RRP36: variants seen among roughly 807,000 people sequenced by gnomAD.
RRP36 encodes the protein ribosomal RNA processing 36.
A neutral mutation model predicts 39.8 loss-of-function variants in RRP36; 44 were observed. That is an observed-to-expected ratio of 1.10 (90% CI 0.87 to 1.42). The LOEUF (loss-of-function observed/expected upper bound fraction) is 1.42, where lower values mean the gene tolerates loss of function less well. RRP36 is among the 40% of genes most tolerant of loss of function. RRP36 has a pLI of 0.00. For synonymous variants in RRP36, 124 were observed against 123.1 expected (o/e 1.01, Z -0.05); for missense variants, 316 against 322.4 (o/e 0.98, Z 0.15).
At position 43,025,775 on chromosome 6, in the gene RRP36, C is replaced by CA. The variant is rs1473193233; in HGVS notation, c.346-253dup. The stretch of plus-strand genomic sequence containing the variant: ...TGAAACCCCGTCTCTACTAAAAATA[C>CA]AAAAAAAAATAGCCGGGCGTGGTGG... On this transcript the variant is annotated intron_variant, in intron 3 of 6. Coordinates refer to ENST00000244496, the MANE Select transcript of RRP36 (RefSeq NM_033112.4). Among the ~76,000 whole-genome samples the CA allele has an allele frequency of 1.3e-3, 197 of 149,396 alleles. 2 individuals carry two copies. The highest frequency in any genetic ancestry group is 8.5e-4 in the South Asian group (4 of 4,722).
At chr6:43,026,316 A>G (rs962918106) in intron 4 of RRP36, among the ~76,000 whole-genome samples, 175 bp downstream of exon 4, 1 of 152,170 alleles carries the variant, frequency 6.6e-6, no homozygotes, top group African/African-American at 2.4e-5. Context: ...GATTATTGGC[A>G]TGTTACTTAA....
chr6:43,026,652 A>G (rs1276605111), intron 4 of RRP36, among the ~76,000 whole-genome samples: 5 of 150,782 alleles, frequency 3.3e-5, no homozygotes, highest in Non-Finnish European at 7.4e-5. Flanking sequence ...CAACCTGGGC[A>G]GCAGGGCAAG....
chr6:43,027,564 T>G, intron 6 of RRP36, 87 bp downstream of exon 6: 1 of 1,066,420 alleles, frequency 9.4e-7, no homozygotes. Context: ...CCTGATCCCC[T>G]TTAAGGAAGG....
At chr6:43,029,056 C>A in intron 6 of RRP36, 36 bp from the exon 7 acceptor site, 1 of 1,611,890 alleles carries the variant, frequency 6.2e-7, no homozygotes, top group Non-Finnish European at 8.5e-7. Context: ...GGGCTTCCTT[C>A]TTTGTTCACC....
chr6:43,029,160 T>C lies in RRP36; in HGVS notation c.712T>C (p.Phe238Leu), dbSNP rs771772252. 1.9e-6 allele frequency: 3 copies of C among 1,614,236 alleles called. No homozygotes were observed. Among genetic ancestry groups the C allele is most frequent in the Non-Finnish European group, 2.5e-6 (3 of 1,180,042 alleles). ...ELKRSKKLEN[F>L]LSRKRRRNAG... ...GAAACGCAGCAAGAAATTGGAGAAC[T>C]TCTTGAGTCGAAAGAGGCGACGAAA... Residue 238 changes from phenylalanine (F) to leucine (L), a missense_variant, in exon 7 of 7, where the codon TTC becomes CTC. By Grantham distance (22) the Phe-to-Leu change is conservative (BLOSUM62 0). Coordinates refer to ENST00000244496, the MANE Select transcript of RRP36 (RefSeq NM_033112.4).
rs143502470 is a variant in RRP36 at position 43,027,392 on chromosome 6, G to A, written c.558G>A (p.Lys186=). 337 of 1,614,262 alleles carry A rather than the reference G, an allele frequency of 2.1e-4. 3 individuals carry two copies. The African/African-American group carries it at 3.9e-3, about 19-fold the overall frequency. The change falls in exon 6 of 7, where the codon AAG becomes AAA. Residue 186 remains lysine, a synonymous_variant. Transcript: ENST00000244496. ...AAGAAATGGCACAGCAGGAACGAAA[G>A]CAACAGCAGGAGCTGCACCTGGCCC... is the stretch of plus-strand genomic sequence containing the variant. ...EQQEMAQQER[K]QQQELHLALK...
chr6:43,021,931 G>A, intron 1 of RRP36, 147 bp downstream of exon 1: 1 of 461,272 alleles, frequency 2.2e-6, no homozygotes. Context: ...GTGGAAAGTG[G>A]GGGGTGAGAG....
intron 1 of RRP36, among the ~76,000 whole-genome samples, chr6:43,024,739 A>G (rs1358301046): frequency 2.0e-5 from 3 of 152,206 alleles, no homozygotes; most frequent in Non-Finnish European, 4.4e-5. Context: ...AAAGAGAAAA[A>G]GAAGGGACTA....
At position 43,029,329 on chromosome 6, in the gene RRP36, C is replaced by CT; in HGVS notation, c.*102dup. The CT allele has an allele frequency of 7.2e-7, 1 of 1,384,414 alleles. No homozygotes were observed. The highest frequency in any genetic ancestry group is 1.0e-6 in the Non-Finnish European group (1 of 997,880). 85.8% of individuals were successfully genotyped at this position (1,384,414 alleles called of 1,614,324 possible). ...TTCCGTTCAAGGGCAAGGATCACAGCTGCCCTTGAATCTCATTGCCTCAGA... is the reference window on the plus strand; with the variant it reads ...TTCCGTTCAAGGGCAAGGATCACAGCTTGCCCTTGAATCTCATTGCCTCAGA... On this transcript the variant is annotated 3_prime_UTR_variant, in exon 7 of 7. Transcript: ENST00000244496.
rs1466357923 is a variant in RRP36 at position 43,029,295 on chromosome 6, A to ACGGCTGGTTTC, written c.*70_*80dup. Reference sequence around the variant, plus strand: ...TGGATCTGTGAGGACAGATTTGGCCACGGCTGGTTTCCGTTCAAGGGCAAG... The same window carrying ACGGCTGGTTTC: ...TGGATCTGTGAGGACAGATTTGGCCACGGCTGGTTTCCGGCTGGTTTCCGTTCAAGGGCAAG... On this transcript the variant is annotated 3_prime_UTR_variant, in exon 7 of 7. Transcript: ENST00000244496. 6.3e-6 allele frequency: 10 copies of ACGGCTGGTTTC among 1,584,310 alleles called. No individual in the cohort carries two copies. In the East Asian group the frequency reaches 2.3e-4, roughly 36 times the overall value.
At chr6:43,022,463 G>A (rs542004405) in intron 1 of RRP36, among the ~76,000 whole-genome samples, 1 of 151,866 alleles carries the variant, frequency 6.6e-6, no homozygotes, top group Non-Finnish European at 1.5e-5. Context: ...GCCCAGGCTG[G>A]AGTGTAGTTG....
In RRP36 at chr6:43,025,075, C is replaced by G; in HGVS notation, c.221C>G (p.Pro74Arg). 6.2e-7 allele frequency: 1 copy of G among 1,614,178 alleles called. No homozygotes were observed. Among genetic ancestry groups the G allele is most frequent in the Non-Finnish European group, 8.5e-7 (1 of 1,180,044 alleles). Residue 74 changes from proline (P) to arginine (R), a missense_variant, in exon 2 of 7, where the codon CCT becomes CGT. Coordinates refer to ENST00000244496, the MANE Select transcript of RRP36 (RefSeq NM_033112.4). Reference protein sequence around the residue: ...TYKQLVAGNSPKKQASRPPIQ... With the variant: ...TYKQLVAGNSRKKQASRPPIQ... ...AAACAATTGGTAGCTGGAAATAGTC[C>G]TAAGAAACAAGCTTCTAGACCACCT...
rs556213326 is a variant in RRP36, at chr6:43,022,965, C to T, written c.130+1181C>T. On this transcript the variant is annotated intron_variant, in intron 1 of 6. Transcript: ENST00000244496. ...CATGTTACCAGGTGCCAGGGCTGGT[C>T]TCCAGTTCCTGGGCTCAAGTGATCC... Among the ~76,000 whole-genome samples, 4 of 152,168 alleles carry T rather than the reference C, an allele frequency of 2.6e-5. No homozygotes were observed. The South Asian group carries it at 8.3e-4, about 32-fold the overall frequency.
chr6:43,021,695 C>CCCGACGTCCCCG lies in RRP36; in HGVS notation c.42_43insCGACGTCCCCGC (p.Ala14_Gly15insArgArgProArg), dbSNP rs1554133547. ...TACCGCGCCGGGGCCGGGGCCGGGG[C>CCCGACGTCCCCG]CGGGGCCCGACGTCCCCGCGGGGCC... On this transcript the variant is annotated inframe_insertion, in exon 1 of 7. Coordinates refer to ENST00000244496, the MANE Select transcript of RRP36 (RefSeq NM_033112.4). 2 of 1,238,170 alleles carry CCCGACGTCCCCG rather than the reference C, an allele frequency of 1.6e-6. No individual in the cohort carries two copies. The highest frequency in any genetic ancestry group is 3.1e-5 in the African/African-American group (2 of 64,696). 76.7% of individuals were successfully genotyped at this position (1,238,170 alleles called of 1,614,324 possible).
intron 1 of RRP36, 144 bp downstream of exon 1, chr6:43,021,928 G>A: frequency 1.9e-6 from 1 of 538,830 alleles, no homozygotes. Context: ...GCAGTGGAAA[G>A]TGGGGGGTGA....
rs74538867 is a variant in RRP36 at position 43,026,024 on chromosome 6, C to T, written c.346-13C>T. Reference sequence around the variant, plus strand: ...AACAGTTGTGTTTTATATTCTCTCTCTTCTCTCCAAAGGTAGCCCGGGACC... The same window carrying T: ...AACAGTTGTGTTTTATATTCTCTCTTTTCTCTCCAAAGGTAGCCCGGGACC... On this transcript the variant is annotated splice_polypyrimidine_tract_variant and intron_variant, in intron 3 of 6. Transcript: ENST00000244496. The T allele has an allele frequency of 0.013, 20,731 of 1,589,980 alleles. 199 individuals carry two copies. The highest frequency in any genetic ancestry group is 0.037 in the African/African-American group (2,779 of 74,558).
chr6:43,025,622 C>CAAAAAAAAA (rs1219326852), intron 3 of RRP36, among the ~76,000 whole-genome samples: 1 of 63,696 alleles, frequency 1.6e-5, no homozygotes, highest in Non-Finnish European at 3.3e-5. Context: ...GACTCTGTCT[C>CAAAAAAAAA]AAAAAAAAAA....
Position 43,025,030 on chromosome 6 carries a change from A to G in RRP36, c.176A>G (p.Gln59Arg), listed in dbSNP as rs1053772743. The G allele has an allele frequency of 1.9e-5, 31 of 1,614,074 alleles. No individual in the cohort carries two copies. The highest frequency in any genetic ancestry group is 2.5e-5 in the Non-Finnish European group (29 of 1,180,034). The change falls in exon 2 of 7, where the codon CAA becomes CGA. Residue 59 changes from glutamine to arginine, a missense_variant. Gln to Arg is a conservative substitution (Grantham distance 43). Transcript: ENST00000244496. The stretch of plus-strand genomic sequence containing the variant: ...GAGGAGCTGTTGGAATTGCAGAGCC[A>G]AGTGGGGACTAAGACGTACAAACAA... ...SFEELLELQS[Q>R]VGTKTYKQLV...
intron 6 of RRP36, 32 bp downstream of exon 6, chr6:43,027,509 C>A: frequency 6.5e-7 from 1 of 1,545,688 alleles, no homozygotes; most frequent in Non-Finnish European, 8.9e-7. Flanking sequence ...CTAACAGGGA[C>A]AGGGGTGCAG....
Sources: gnomAD v4.1 joint callset for allele counts (sites outside exome capture counted in the v4.1 genomes callset) on GRCh38, gnomAD v4.1.1 for gene constraint, MANE v1.5 for transcripts, NCBI Gene and HGNC (gene_info 2026-07-23, HGNC 2026-07-21) for gene names.